CSNK2A2IP: variants seen among roughly 807,000 people sequenced by gnomAD.
CSNK2A2IP encodes the protein casein kinase 2 subunit alpha' interacting protein.
At chr3:88,415,523 C>T in the CSNK2A2IP span, among the ~76,000 whole-genome samples, 13 of 151,764 alleles carry the variant, frequency 8.6e-5, no homozygotes, top group Admixed American at 8.5e-4. Context: ...TTTCCATTTT[C>T]CCACCCATTT....
chr3:88,387,187 C>T, the CSNK2A2IP span, among the ~76,000 whole-genome samples: 3 of 135,228 alleles, frequency 2.2e-5, no homozygotes, highest in Admixed American at 1.6e-4. Flanking sequence ...TTTTGAGATG[C>T]AGTCTTGCTC....
the CSNK2A2IP span, chr3:88,399,765 A>G: frequency 7.2e-5 from 11 of 152,204 alleles, no homozygotes; most frequent in Admixed American, 7.2e-4. Flanking sequence ...GAGAGATGGA[A>G]AACCTGCCCC....
chr3:88,439,584 A>T, the CSNK2A2IP span, among the ~76,000 whole-genome samples: 1 of 151,964 alleles, frequency 6.6e-6, no homozygotes, highest in East Asian at 2.0e-4. Flanking sequence ...TCTACTAAAA[A>T]TACAAAAATT....
the CSNK2A2IP span, among the ~76,000 whole-genome samples, chr3:88,376,132 T>C: frequency 6.6e-6 from 1 of 151,986 alleles, no homozygotes; most frequent in South Asian, 2.1e-4. Context: ...ATTATTTTTA[T>C]CATTCATTGC....
At chr3:88,404,587 A>G in the CSNK2A2IP span, among the ~76,000 whole-genome samples, 13 of 122,382 alleles carry the variant, frequency 1.1e-4, no homozygotes, top group South Asian at 5.9e-4. Flanking sequence ...TTTCCTCTCC[A>G]TTTACTCTTT....
chr3:88,457,071 G>A, the CSNK2A2IP span, among the ~76,000 whole-genome samples: 135 of 152,126 alleles, frequency 8.9e-4, no homozygotes, highest in African/African-American at 3.1e-3. Flanking sequence ...GACTTTAATA[G>A]CATTTTACCA....
At chr3:88,395,080 T>C in the CSNK2A2IP span, among the ~76,000 whole-genome samples, 1 of 152,238 alleles carries the variant, frequency 6.6e-6, no homozygotes, top group African/African-American at 2.4e-5. Context: ...TGCTCATTTG[T>C]GTGCATGTGT....
At chr3:88,408,879 A>T in the CSNK2A2IP span, among the ~76,000 whole-genome samples, 3 of 152,068 alleles carry the variant, frequency 2.0e-5, no homozygotes, top group African/African-American at 7.2e-5. Flanking sequence ...CAGTTTTAAC[A>T]AATACACACA....
chr3:88,387,703 A>C, the CSNK2A2IP span, among the ~76,000 whole-genome samples: 2 of 152,196 alleles, frequency 1.3e-5, no homozygotes, highest in South Asian at 4.1e-4. Flanking sequence ...ATCAAAAATA[A>C]TATGTTTCCA....
chr3:88,455,529 C>T, the CSNK2A2IP span, among the ~76,000 whole-genome samples: 8 of 151,912 alleles, frequency 5.3e-5, no homozygotes, highest in South Asian at 1.5e-3. Flanking sequence ...TTATTCAGGT[C>T]CTTTGCCTAT....
chr3:88,466,628 G>C, the CSNK2A2IP span: 2 of 1,230,546 alleles, frequency 1.6e-6, no homozygotes, highest in East Asian at 6.3e-5. Flanking sequence ...ATTGTTAAAG[G>C]TGGAACTGTC....
chr3:88,456,035 C>T, the CSNK2A2IP span, among the ~76,000 whole-genome samples: 3 of 152,008 alleles, frequency 2.0e-5, no homozygotes, highest in East Asian at 5.8e-4. Flanking sequence ...TATTTCTGGG[C>T]TTTCCAATCT....
the CSNK2A2IP span, among the ~76,000 whole-genome samples, chr3:88,368,696 G>A: frequency 6.6e-6 from 1 of 152,010 alleles, no homozygotes; most frequent in East Asian, 1.9e-4. Flanking sequence ...TTGATCCCAT[G>A]ATTCGGAATC....
the CSNK2A2IP span, among the ~76,000 whole-genome samples, chr3:88,456,249 A>T: frequency 1.3e-5 from 2 of 152,182 alleles, no homozygotes; most frequent in Admixed American, 1.3e-4. Context: ...TGGAATTTTG[A>T]TATGGGTTCC....
chr3:88,436,675 T>A, the CSNK2A2IP span, among the ~76,000 whole-genome samples: 47 of 152,266 alleles, frequency 3.1e-4, no homozygotes, highest in Middle Eastern at 3.4e-3. Context: ...GAGCTATAGC[T>A]CTAGCAAATG....
At chr3:88,369,660 G>A in the CSNK2A2IP span, among the ~76,000 whole-genome samples, 12 of 152,046 alleles carry the variant, frequency 7.9e-5, no homozygotes, top group South Asian at 2.3e-3. Context: ...GGAGTTTGTT[G>A]ACAAAGCAGG....
At chr3:88,357,291 A>T in the CSNK2A2IP span, among the ~76,000 whole-genome samples, 1 of 151,910 alleles carries the variant, frequency 6.6e-6, no homozygotes, top group African/African-American at 2.4e-5. Context: ...ATGACGTGAG[A>T]TAGGGGTTTA....
chr3:88,370,071 G>A, the CSNK2A2IP span, among the ~76,000 whole-genome samples: 3 of 151,848 alleles, frequency 2.0e-5, no homozygotes, highest in Non-Finnish European at 4.4e-5. Context: ...TTCCAGGCAA[G>A]TTAGTGGCTT....
At chr3:88,445,275 C>CAAAAAAAAA in the CSNK2A2IP span, among the ~76,000 whole-genome samples, 11,272 of 47,480 alleles carry the variant, frequency 0.24, 2,427 homozygotes, top group Non-Finnish European at 0.34. Context: ...GTAAAAATAC[C>CAAAAAAAAA]AAAAAAAAAA....
Sources: gnomAD v4.1 joint callset for allele counts (sites outside exome capture counted in the v4.1 genomes callset) on GRCh38, gnomAD v4.1.1 for gene constraint, MANE v1.5 for transcripts, NCBI Gene and HGNC (gene_info 2026-07-23, HGNC 2026-07-21) for gene names.